Variants in GPHN observed in about 807,000 individuals in gnomAD.
GPHN encodes the protein gephyrin.
A neutral mutation model predicts 95.5 loss-of-function variants in GPHN; 17 were observed. The observed-to-expected ratio is 0.18, with a 90% CI of 0.12 to 0.27. The LOEUF (loss-of-function observed/expected upper bound fraction) is 0.27. Among genes scored for constraint, GPHN ranks in the 10% least tolerant of loss-of-function variants. The probability of loss-of-function intolerance (pLI) is 1.00; values close to 1 mark genes in which losing one functional copy is unlikely to be tolerated. For synonymous variants in GPHN, 320 were observed against 322.5 expected (o/e 0.99, Z 0.08); for missense variants, 660 against 978.1 (o/e 0.67, Z 4.34).
chr14:67,207,051 G>A, the GPHN span, among the ~76,000 whole-genome samples: 1 of 152,068 alleles, frequency 6.6e-6, no homozygotes, highest in Non-Finnish European at 1.5e-5. Context: ...TAATAAATAT[G>A]TATGACTTTC....
At chr14:67,289,709 G>T in the GPHN span, among the ~76,000 whole-genome samples, 1 of 151,084 alleles carries the variant, frequency 6.6e-6, no homozygotes, top group African/African-American at 2.4e-5. Flanking sequence ...TGGTGTTTCT[G>T]CAGACCTTAT....
chr14:67,476,898 G>C, the GPHN span, among the ~76,000 whole-genome samples: 1 of 152,124 alleles, frequency 6.6e-6, no homozygotes, highest in Non-Finnish European at 1.5e-5. Context: ...GGCGGAGATG[G>C]GCAGATCACC....
At chr14:66,611,324 T>C (rs1166661844) in intron 1 of GPHN, among the ~76,000 whole-genome samples, 1 of 152,124 alleles carries the variant, frequency 6.6e-6, no homozygotes, top group Non-Finnish European at 1.5e-5. Context: ...CCATTGGTAG[T>C]GGTGGTAGGG....
chr14:66,843,709 T>C (rs965352969), intron 4 of GPHN, among the ~76,000 whole-genome samples: 4 of 152,182 alleles, frequency 2.6e-5, no homozygotes, highest in African/African-American at 9.6e-5. Flanking sequence ...ATCTTAGAAA[T>C]AGGAAAATGC....
chr14:66,619,951 G>A (rs908422756), intron 1 of GPHN, among the ~76,000 whole-genome samples: 8 of 152,096 alleles, frequency 5.3e-5, no homozygotes, highest in African/African-American at 1.9e-4. Flanking sequence ...GGACCCTTAC[G>A]GGCCAGGTTA....
At chr14:67,684,320 C>T in the GPHN span, among the ~76,000 whole-genome samples, 1 of 152,030 alleles carries the variant, frequency 6.6e-6, no homozygotes, top group African/African-American at 2.4e-5. Flanking sequence ...AAATTTTGAT[C>T]TTATGTGATG....
intron 1 of GPHN, among the ~76,000 whole-genome samples, chr14:66,508,904 G>T (rs758401989): frequency 2.6e-5 from 4 of 152,154 alleles, no homozygotes; most frequent in Non-Finnish European, 4.4e-5. Flanking sequence ...CGCGCTGTCG[G>T]TGCAGGCGGC....
rs149125281 is a variant in GPHN, at chr14:67,104,716, T to G, written c.1293+3805T>G. 3.7e-3 allele frequency among the ~76,000 whole-genome samples: 571 copies of G among 152,314 alleles called. 2 individuals are homozygous for G. Among genetic ancestry groups the G allele is most frequent in the African/African-American group, 0.013 (531 of 41,578 alleles). ...CAGTTGTAATGCCTCCTTTTCCATTTCTGATTTTGCTTATTTGGGTCTTTT... is the reference window on the plus strand; with the variant it reads ...CAGTTGTAATGCCTCCTTTTCCATTGCTGATTTTGCTTATTTGGGTCTTTT... On this transcript the variant is annotated intron_variant, in intron 13 of 22. Transcript: ENST00000478722.
At chr14:66,899,529 T>A (rs2065028598) in intron 5 of GPHN, among the ~76,000 whole-genome samples, 1 of 151,958 alleles carries the variant, frequency 6.6e-6, no homozygotes, top group Non-Finnish European at 1.5e-5. Context: ...GATTGCATGA[T>A]CTACTTTTTC....
At chr14:67,080,900 T>G (rs1294590917) in intron 11 of GPHN, among the ~76,000 whole-genome samples, 2 of 152,206 alleles carry the variant, frequency 1.3e-5, no homozygotes, top group African/African-American at 4.8e-5. Flanking sequence ...GGAATAATGG[T>G]CTCCAGTTCC....
the GPHN span, among the ~76,000 whole-genome samples, chr14:67,465,405 CAAACCACAAA>C: frequency 3.1e-5 from 4 of 128,682 alleles, no homozygotes; most frequent in Non-Finnish European, 7.5e-5. Flanking sequence ...GAAATGAGGC[CAAACCACAAA>C]AGGTTTGTAA....
chr14:66,895,390 G>A (rs958171354), intron 5 of GPHN, among the ~76,000 whole-genome samples: 2 of 152,162 alleles, frequency 1.3e-5, no homozygotes, highest in African/African-American at 4.8e-5. Flanking sequence ...GAAAGCATTA[G>A]GAGATATACC....
the GPHN span, among the ~76,000 whole-genome samples, chr14:67,458,293 T>C: frequency 6.6e-6 from 1 of 152,032 alleles, no homozygotes; most frequent in Non-Finnish European, 1.5e-5. Context: ...CTCCTCAGAT[T>C]TGATGAATTG....
intron 5 of GPHN, among the ~76,000 whole-genome samples, chr14:66,888,203 AC>A (rs1265530307): frequency 2.0e-5 from 3 of 152,216 alleles, no homozygotes; most frequent in Non-Finnish European, 4.4e-5. Flanking sequence ...TGAAACAATG[AC>A]CGAGAATTTC....
At chr14:66,577,735 A>G (rs1189005858) in intron 1 of GPHN, among the ~76,000 whole-genome samples, 2 of 151,922 alleles carry the variant, frequency 1.3e-5, no homozygotes, top group Non-Finnish European at 2.9e-5. Context: ...CAAAGGAAAG[A>G]ACTAAAGGAA....
chr14:67,543,610 A>G, the GPHN span, among the ~76,000 whole-genome samples: 2 of 152,192 alleles, frequency 1.3e-5, no homozygotes, highest in Non-Finnish European at 2.9e-5. Context: ...ACAAGCGTCC[A>G]GAAAATCATT....
At chr14:67,458,747 G>GAC in the GPHN span, among the ~76,000 whole-genome samples, 1 of 152,036 alleles carries the variant, frequency 6.6e-6, no homozygotes, top group Non-Finnish European at 1.5e-5. Flanking sequence ...TTTGAGGCAG[G>GAC]GTCTCACTCT....
rs140749322 is a variant in GPHN at position 66,720,858 on chromosome 14, C to G, written c.143+39673C>G. Reference sequence around the variant, plus strand: ...CTTGCCTTATTGATGGAGAGAGATGCTGTCTCTTTGTAAAAAACAGAAAAA... The same window carrying G: ...CTTGCCTTATTGATGGAGAGAGATGGTGTCTCTTTGTAAAAAACAGAAAAA... On this transcript the variant is annotated intron_variant, in intron 2 of 22. Transcript: ENST00000478722. 1.5e-3 allele frequency among the ~76,000 whole-genome samples: 231 copies of G among 152,190 alleles called. 1 individual carries two copies. The highest frequency in any genetic ancestry group is 5.5e-3 in the African/African-American group (229 of 41,500).
At chr14:67,323,261 G>GTGTGTGTGTGTGTGTATA in the GPHN span, among the ~76,000 whole-genome samples, 12 of 124,190 alleles carry the variant, frequency 9.7e-5, no homozygotes, top group African/African-American at 3.0e-4. Context: ...GTGTGTGTGT[G>GTGTGTGTGTGTGTGTATA]TATATATATA....
Sources: allele counts gnomAD v4.1 joint callset (sites outside exome capture counted in the v4.1 genomes callset), GRCh38; gene constraint gnomAD v4.1.1; transcripts MANE v1.5; gene names NCBI Gene and HGNC (gene_info 2026-07-23, HGNC 2026-07-21).